Variants in CNTNAP2 observed in about 807,000 individuals in gnomAD.
CNTNAP2 encodes the protein contactin-associated protein-like 2.
In CNTNAP2, 98 loss-of-function variants were observed where a neutral mutation model predicts 155.2. The observed-to-expected ratio is 0.63, with a 90% confidence interval of 0.54 to 0.75. The LOEUF (loss-of-function observed/expected upper bound fraction) is 0.75, where lower values mean the gene tolerates loss of function less well. CNTNAP2 is among the 30% of genes least tolerant of loss of function. The pLI, the probability that CNTNAP2 is intolerant of heterozygous loss-of-function variation, is 0.00. For synonymous variants in CNTNAP2, 651 were observed against 631.2 expected (o/e 1.03, Z -0.47); for missense variants, 1,727 against 1,688.1 (o/e 1.02, Z -0.40).
chr7:147,749,136 A>T (rs146141033), intron 13 of CNTNAP2, among the ~76,000 whole-genome samples: 82 of 152,356 alleles, frequency 5.4e-4, no homozygotes, highest in Non-Finnish European at 1.1e-3. Flanking sequence ...TAAAATAAAA[A>T]TATGTAATCT....
intron 1 of CNTNAP2, among the ~76,000 whole-genome samples, chr7:146,245,338 G>C (rs1799627941): frequency 6.6e-6 from 1 of 152,122 alleles, no homozygotes; most frequent in African/African-American, 2.4e-5. Context: ...AAGGAGCCAG[G>C]GAGCAGAAAG....
intron 20 of CNTNAP2, among the ~76,000 whole-genome samples, chr7:148,254,130 G>A (rs1286422820): frequency 6.6e-6 from 1 of 152,044 alleles, no homozygotes; most frequent in East Asian, 1.9e-4. Flanking sequence ...TACAGCAAAG[G>A]CCCTGCTTTG....
At chr7:146,243,540 T>C (rs572497893) in intron 1 of CNTNAP2, among the ~76,000 whole-genome samples, 1 of 152,166 alleles carries the variant, frequency 6.6e-6, no homozygotes, top group Non-Finnish European at 1.5e-5. Flanking sequence ...AAGCAAAATA[T>C]TGGGGTTTGT....
intron 12 of CNTNAP2, among the ~76,000 whole-genome samples, chr7:147,617,867 TC>T (rs1271291785): frequency 6.6e-6 from 1 of 152,186 alleles, no homozygotes; most frequent in Non-Finnish European, 1.5e-5. Context: ...GAATATAGCT[TC>T]CTTTAAGTGG....
chr7:148,153,205 G>A lies in CNTNAP2; in HGVS notation c.2773+5496G>A, dbSNP rs183936329. On this transcript the variant is annotated intron_variant, in intron 17 of 23. Coordinates refer to ENST00000361727, the MANE Select transcript of CNTNAP2 (RefSeq NM_014141.6). ...TCTTTGCAAAGGTGGTGTCATTAGC[G>A]AGGCCAGGCTCACATGTCCTTTTGC... 8.1e-3 allele frequency among the ~76,000 whole-genome samples: 1,211 copies of A among 149,390 alleles called. 40 individuals are homozygous for A. Among genetic ancestry groups the A allele is most frequent in the Admixed American group, 0.054 (812 of 14,944 alleles).
At chr7:147,974,024 C>A (rs1801382786) in intron 14 of CNTNAP2, among the ~76,000 whole-genome samples, 1 of 152,118 alleles carries the variant, frequency 6.6e-6, no homozygotes, top group South Asian at 2.1e-4. Context: ...TGATGTTAAT[C>A]AGTTTTTCTT....
At chr7:147,420,496 A>G (rs1035941806) in intron 10 of CNTNAP2, among the ~76,000 whole-genome samples, 16 of 152,280 alleles carry the variant, frequency 1.1e-4, no homozygotes, top group African/African-American at 3.6e-4. Context: ...GTATTCATTG[A>G]ATGATATTTA....
intron 13 of CNTNAP2, among the ~76,000 whole-genome samples, chr7:147,865,391 T>C (rs1799209721): frequency 6.6e-6 from 1 of 152,200 alleles, no homozygotes; most frequent in Non-Finnish European, 1.5e-5. Context: ...AAATTCTCTT[T>C]TTTTGTTGTC....
At chr7:146,475,013 G>GCGCGCGCACA (rs71525954) in intron 1 of CNTNAP2, among the ~76,000 whole-genome samples, 7 of 144,304 alleles carry the variant, frequency 4.9e-5, no homozygotes, top group African/African-American at 1.8e-4. Context: ...GCGCGCGCGC[G>GCGCGCGCACA]CACACACACA....
chr7:147,721,190 T>C (rs1175740911), intron 13 of CNTNAP2, among the ~76,000 whole-genome samples: 1 of 139,490 alleles, frequency 7.2e-6, no homozygotes, highest in Non-Finnish European at 1.6e-5. Context: ...CTGGTTTCTA[T>C]GTTGTTGTTG....
At chr7:146,352,856 G>C (rs894242482) in intron 1 of CNTNAP2, among the ~76,000 whole-genome samples, 6 of 141,940 alleles carry the variant, frequency 4.2e-5, no homozygotes, top group African/African-American at 1.6e-4. Context: ...CCGGGTTCAC[G>C]CCATTCTCCT....
intron 10 of CNTNAP2, among the ~76,000 whole-genome samples, chr7:147,464,465 T>TA (rs71183005): frequency 0.24 from 15,804 of 65,792 alleles, 2,373 homozygotes; most frequent in Non-Finnish European, 0.31. Context: ...AGACTCCATC[T>TA]AAAAAAAAAA....
At chr7:147,842,397 T>C (rs1394452200) in intron 13 of CNTNAP2, among the ~76,000 whole-genome samples, 2 of 152,212 alleles carry the variant, frequency 1.3e-5, no homozygotes, top group African/African-American at 4.8e-5. Flanking sequence ...TATTTCCACA[T>C]ATTCTATGTT....
chr7:148,379,797 C>T (rs1375944873), intron 21 of CNTNAP2, among the ~76,000 whole-genome samples: 1 of 152,172 alleles, frequency 6.6e-6, no homozygotes, highest in East Asian at 1.9e-4. Flanking sequence ...TACACGAGGC[C>T]CCAAGCACAG....
chr7:147,307,869 A>G (rs1795059832), intron 9 of CNTNAP2, among the ~76,000 whole-genome samples: 1 of 152,216 alleles, frequency 6.6e-6, no homozygotes, highest in Admixed American at 6.5e-5. Context: ...GCTTGGATTA[A>G]TAAATATTTT....
At chr7:146,415,864 A>G (rs1322300758) in intron 1 of CNTNAP2, among the ~76,000 whole-genome samples, 1 of 152,112 alleles carries the variant, frequency 6.6e-6, no homozygotes, top group Non-Finnish European at 1.5e-5. Context: ...TTTCTTAGGA[A>G]GTCAATATAA....
chr7:146,666,212 T>C lies in CNTNAP2; in HGVS notation c.98-108059T>C, dbSNP rs1800192343. Among the ~76,000 whole-genome samples, 3 of 152,220 alleles carry C rather than the reference T, an allele frequency of 2.0e-5. No individual in the cohort carries two copies. In the South Asian group the frequency reaches 6.2e-4, roughly 32 times the overall value. ...CTTTTTACTTTTATGAGGTCGGCTA[T>C]TTTTAGCATCCATATTTGAGTGAGA... On this transcript the variant is annotated intron_variant, in intron 1 of 23. Transcript: ENST00000361727.
intron 16 of CNTNAP2, among the ~76,000 whole-genome samples, chr7:148,139,154 G>A (rs776006139): frequency 1.1e-4 from 17 of 152,092 alleles, no homozygotes; most frequent in Non-Finnish European, 2.4e-4. Flanking sequence ...AAATGAGTTC[G>A]TAACATTGAT....
rs567855526 is a variant in CNTNAP2, at chr7:146,449,377, G to A, written c.98-324894G>A. On this transcript the variant is annotated intron_variant, in intron 1 of 23. Transcript: ENST00000361727. ...CCCTTTTTTCCTCTTGTGCATGTTGGTATTTCTGGGTTATTGGCTTCTCTC... is the reference window on the plus strand; with the variant it reads ...CCCTTTTTTCCTCTTGTGCATGTTGATATTTCTGGGTTATTGGCTTCTCTC... 3.3e-5 allele frequency among the ~76,000 whole-genome samples: 5 copies of A among 151,914 alleles called. No individual in the cohort carries two copies. In the South Asian group the frequency reaches 1.0e-3, roughly 32 times the overall value.
Sources: allele counts gnomAD v4.1 joint callset (sites outside exome capture counted in the v4.1 genomes callset), GRCh38; gene constraint gnomAD v4.1.1; transcripts MANE v1.5; gene names NCBI Gene and HGNC (gene_info 2026-07-23, HGNC 2026-07-21).